KCND3: variants seen among roughly 807,000 people sequenced by gnomAD.
The protein encoded by KCND3 is potassium voltage-gated channel subfamily D member 3.
Under a neutral mutation model 51.1 loss-of-function variants are expected in KCND3, and 9 were observed. That is an observed-to-expected ratio of 0.18 (90% CI 0.11 to 0.31). The LOEUF (loss-of-function observed/expected upper bound fraction) is 0.31, where lower values mean the gene tolerates loss of function less well. Ranked by LOEUF, KCND3 falls within the 10% of genes least tolerant of loss-of-function variation. KCND3 has a pLI of 1.00. For missense variants in KCND3, 526 were observed against 903.8 expected (o/e 0.58, Z 5.36); for synonymous variants, 349 against 368.0 (o/e 0.95, Z 0.59).
chr1:111,874,052 T>A (rs1668944760), intron 2 of KCND3, among the ~76,000 whole-genome samples: 1 of 152,104 alleles, frequency 6.6e-6, no homozygotes, highest in Non-Finnish European at 1.5e-5. Context: ...CTCCACATAC[T>A]CAGAAAGCTT....
Position 111,982,420 on chromosome 1 carries a change from G to C in KCND3, c.307C>G (p.Leu103Val). ...ATGCACTCGTAGCGCGGGTAGTGCA[G>C]CTTCCCCGTGCGGTAGAAGTTGAGC... The part of the protein sequence containing the change: ...CVLNFYRTGK[L>V]HYPRYECISA... Residue 103 changes from leucine (L) to valine (V), a missense_variant, in exon 2 of 8, where the codon CTG becomes GTG. Physicochemically the swap from Leu to Val is conservative, Grantham distance 32. Around this residue, in one of 5 missense-constraint regions of KCND3, gnomAD observed 159 missense variants for 262.8 expected, o/e 0.61. Coordinates refer to ENST00000302127, the MANE Select transcript of KCND3 (RefSeq NM_001378969.1). This position sits in a 1 kb window ranked among gnomAD's most constrained non-coding sequence, Gnocchi z 8.5. 1 of 1,614,166 alleles carries C rather than the reference G, an allele frequency of 6.2e-7. No homozygotes were observed. Among genetic ancestry groups the C allele is most frequent in the Non-Finnish European group, 8.5e-7 (1 of 1,179,990 alleles).
intron 2 of KCND3, among the ~76,000 whole-genome samples, chr1:111,876,104 C>T (rs1295386112): frequency 6.6e-6 from 1 of 152,186 alleles, no homozygotes; most frequent in Admixed American, 6.5e-5. Flanking sequence ...CCATTTCCTC[C>T]TTAGGTCACG....
At chr1:111,830,272 C>A (rs1032287783) in intron 2 of KCND3, among the ~76,000 whole-genome samples, 3 of 152,234 alleles carry the variant, frequency 2.0e-5, no homozygotes, top group Non-Finnish European at 4.4e-5. Context: ...TTCTGTGGCT[C>A]CTCATAGCCT....
chr1:111,988,839 C>T (rs1249044373), intron 1 of KCND3: 1 of 152,212 alleles, frequency 6.6e-6, no homozygotes, highest in Non-Finnish European at 1.5e-5. Flanking sequence ...CATCTCGGAT[C>T]CTATTCAAAT....
intron 2 of KCND3, among the ~76,000 whole-genome samples, chr1:111,804,442 C>T (rs1232688672): frequency 1.3e-5 from 2 of 152,226 alleles, no homozygotes; most frequent in African/African-American, 4.8e-5. Flanking sequence ...TTTCTGCTCT[C>T]TGCCCTTCAA....
intron 2 of KCND3, among the ~76,000 whole-genome samples, chr1:111,807,383 G>A (rs1016312259): frequency 2.6e-5 from 4 of 152,158 alleles, no homozygotes; most frequent in African/African-American, 2.4e-5. Flanking sequence ...TATTCAGTAC[G>A]ATAACATGCT....
chr1:111,910,759 C>G (rs1219400445), intron 2 of KCND3: 1 of 152,196 alleles, frequency 6.6e-6, no homozygotes, highest in Non-Finnish European at 1.5e-5. Flanking sequence ...CTAGAGGTCT[C>G]CTAACAAGAA....
chr1:111,987,107 G>GC (rs1350892915), intron 1 of KCND3, among the ~76,000 whole-genome samples: 35 of 152,208 alleles, frequency 2.3e-4, no homozygotes, highest in Non-Finnish European at 4.4e-5. Flanking sequence ...ACACAGTTCT[G>GC]CCCCCTGAAA....
At chr1:111,824,081 G>C (rs971681306) in intron 2 of KCND3, among the ~76,000 whole-genome samples, 5 of 143,184 alleles carry the variant, frequency 3.5e-5, no homozygotes, top group African/African-American at 1.0e-4. Context: ...AACATTTTTA[G>C]TTATGCTAAT....
rs75356215 is a variant in KCND3 at position 111,914,332 on chromosome 1, T to A, written c.1106+67289A>T. On this transcript the variant is annotated intron_variant, in intron 2 of 7. Transcript: ENST00000302127. The stretch of plus-strand genomic sequence containing the variant: ...TAGGAAAGTAACAAGTCATCTAACA[T>A]ATATGTAACTGGGGTCCCCAAAAAG... 9.2e-3 allele frequency among the ~76,000 whole-genome samples: 1,332 copies of A among 144,338 alleles called. 17 individuals are homozygous for A. Among genetic ancestry groups the A allele is most frequent in the African/African-American group, 0.031 (1,219 of 39,252 alleles). The allele number at this position is 144,338 out of a possible 152,430, so 94.7% of individuals were successfully genotyped here. A position where few individuals can be genotyped will look rare whatever the true frequency, so the allele number is the denominator to read the frequency against.
intron 2 of KCND3, among the ~76,000 whole-genome samples, chr1:111,831,804 T>A (rs1199947581): frequency 6.6e-6 from 1 of 152,118 alleles, no homozygotes; most frequent in Non-Finnish European, 1.5e-5. Context: ...ATACACTGAT[T>A]TACAGGATTC....
At chr1:111,793,176 C>CTT (rs527596358) in intron 2 of KCND3, among the ~76,000 whole-genome samples, 109 of 134,818 alleles carry the variant, frequency 8.1e-4, no homozygotes, top group African/African-American at 2.9e-3. Flanking sequence ...GAAGCATATT[C>CTT]TTTTTTTTTT....
chr1:111,912,852 G>A (rs1671029925), intron 2 of KCND3, among the ~76,000 whole-genome samples: 1 of 152,066 alleles, frequency 6.6e-6, no homozygotes, highest in African/African-American at 2.4e-5. Flanking sequence ...AGCTATTACT[G>A]GAAGAGTCAA....
intron 2 of KCND3, among the ~76,000 whole-genome samples, chr1:111,881,355 G>A (rs1409141600): frequency 6.6e-6 from 1 of 152,192 alleles, no homozygotes; most frequent in Non-Finnish European, 1.5e-5. Context: ...TGTGCTTTCA[G>A]ATGCACACTT....
chr1:111,872,387 A>G (rs1668862427), intron 2 of KCND3, among the ~76,000 whole-genome samples: 1 of 152,264 alleles, frequency 6.6e-6, no homozygotes, highest in Non-Finnish European at 1.5e-5. Flanking sequence ...TACACTGAAG[A>G]ACCTTGTTTA....
chr1:111,922,295 A>G (rs924221732), intron 2 of KCND3, among the ~76,000 whole-genome samples: 1 of 152,358 alleles, frequency 6.6e-6, no homozygotes, highest in East Asian at 1.9e-4. Context: ...CCATTCCAGC[A>G]CAGCTAAGTG....
chr1:111,916,515 C>A (rs1671226074), intron 2 of KCND3, among the ~76,000 whole-genome samples: 1 of 151,710 alleles, frequency 6.6e-6, no homozygotes, highest in Admixed American at 6.6e-5. Context: ...CCTTAAGAAA[C>A]CAGGAAAAGA....
Position 111,981,647 on chromosome 1 carries a change from G to A in KCND3, c.1080C>T (p.Tyr360=). The A allele has an allele frequency of 1.2e-6, 2 of 1,614,176 alleles. No homozygotes were observed. Among genetic ancestry groups the A allele is most frequent in the South Asian group, 1.1e-5 (1 of 91,082 alleles). Residue 360 remains tyrosine (Y), a synonymous_variant, in exon 2 of 8, where the codon TAC becomes TAT. Transcript: ENST00000302127. This position sits in a 1 kb window ranked among gnomAD's most constrained non-coding sequence, Gnocchi z 6.2. The part of the protein sequence containing the change: ...KFTSIPASFW[Y]TIVTMTTLGY... Reference sequence around the variant, plus strand: ...CCAGTGTGGTCATGGTGACAATGGTGTACCAAAACGAGGCAGGGATGCTTG... The same window carrying A: ...CCAGTGTGGTCATGGTGACAATGGTATACCAAAACGAGGCAGGGATGCTTG...
intron 2 of KCND3, among the ~76,000 whole-genome samples, chr1:111,875,122 T>A (rs921079379): frequency 6.6e-6 from 1 of 152,134 alleles, no homozygotes; most frequent in Admixed American, 6.5e-5. Context: ...AGGAGGAGGG[T>A]TGAAGCTGTT....
Sources: gnomAD v4.1 joint callset for allele counts (sites outside exome capture counted in the v4.1 genomes callset) on GRCh38, gnomAD v4.1.1 for gene constraint, gnomAD v4.1.1 regional missense constraint, Gnocchi (gnomAD v3.1) non-coding constraint, MANE v1.5 for transcripts, NCBI Gene and HGNC (gene_info 2026-07-23, HGNC 2026-07-21) for gene names.